CXCL13: variants seen among roughly 807,000 people sequenced by gnomAD.
The protein encoded by CXCL13 is C-X-C motif chemokine 13.
A neutral mutation model predicts 12.2 loss-of-function variants in CXCL13; 7 were observed. The observed-to-expected ratio is 0.57, with a 90% CI of 0.33 to 1.07. The LOEUF (loss-of-function observed/expected upper bound fraction) is 1.07, where lower values mean the gene tolerates loss of function less well. Ranked by LOEUF, CXCL13 falls within the 50% of genes least tolerant of loss-of-function variation. The pLI is 0.04. For synonymous variants in CXCL13, 47 were observed against 42.4 expected (o/e 1.11, Z -0.42); for missense variants, 113 against 127.4 (o/e 0.89, Z 0.55).
chr4:77,542,832 T>G (rs1725238702), intron 1 of CXCL13, among the ~76,000 whole-genome samples: 1 of 152,142 alleles, frequency 6.6e-6, no homozygotes, highest in African/African-American at 2.4e-5. Context: ...TTTCTTTCTT[T>G]GTTGTGCCTT....
At chr4:77,571,174 G>T (rs1726069451) in intron 1 of CXCL13, among the ~76,000 whole-genome samples, 1 of 151,974 alleles carries the variant, frequency 6.6e-6, no homozygotes, top group Non-Finnish European at 1.5e-5. Flanking sequence ...CTCAGGGATT[G>T]TAAACACACC....
chr4:77,518,931 T>A (rs1427653816), intron 1 of CXCL13, among the ~76,000 whole-genome samples: 1 of 152,170 alleles, frequency 6.6e-6, no homozygotes, highest in Non-Finnish European at 1.5e-5. Flanking sequence ...TTTTATCTAG[T>A]TTTGGACTTT....
intron 1 of CXCL13, among the ~76,000 whole-genome samples, chr4:77,540,793 T>C (rs972666607): frequency 6.6e-6 from 1 of 152,184 alleles, no homozygotes; most frequent in African/African-American, 2.4e-5. Flanking sequence ...GGTTGCTGGG[T>C]CAAACAGTAG....
chr4:77,545,145 T>C (rs1725322565), intron 1 of CXCL13, among the ~76,000 whole-genome samples: 1 of 152,212 alleles, frequency 6.6e-6, no homozygotes, highest in African/African-American at 2.4e-5. Flanking sequence ...TTTTGGTTAC[T>C]GTAGCCTTGT....
chr4:77,528,678 G>C (rs1454596834), intron 1 of CXCL13, among the ~76,000 whole-genome samples: 1 of 152,142 alleles, frequency 6.6e-6, no homozygotes, highest in East Asian at 1.9e-4. Context: ...CTGGATGTTA[G>C]CCCTTTGTCA....
chr4:77,581,666 A>G (rs910955730), intron 1 of CXCL13, among the ~76,000 whole-genome samples: 4 of 152,124 alleles, frequency 2.6e-5, no homozygotes, highest in African/African-American at 4.8e-5. Flanking sequence ...GGTGCCATGT[A>G]CCTTCTCTCT....
rs578095174 is a variant in CXCL13, at chr4:77,560,239, AATAGAG to A, written c.-42-45582_-42-45577del. 2.1e-4 allele frequency among the ~76,000 whole-genome samples: 32 copies of A among 152,284 alleles called. 1 individual carries two copies. The highest frequency in any genetic ancestry group is 4.3e-4 in the Non-Finnish European group (29 of 68,030). Reference sequence around the variant, plus strand: ...AACTTGAGTAAGCCTTTAGTAAGAAAATAGAGATTGAGGTTGAATTGTGTTTCCAAG... The same window carrying A: ...AACTTGAGTAAGCCTTTAGTAAGAAAATTGAGGTTGAATTGTGTTTCCAAG... On this transcript the variant is annotated intron_variant, in intron 1 of 4. Transcript: ENST00000286758.
chr4:77,537,095 T>C (rs1424319979), intron 1 of CXCL13, among the ~76,000 whole-genome samples: 1 of 152,196 alleles, frequency 6.6e-6, no homozygotes, highest in Admixed American at 6.5e-5. Context: ...AAAAGACATA[T>C]TCAAATTGTG....
intron 1 of CXCL13, among the ~76,000 whole-genome samples, chr4:77,530,933 C>G (rs1724898977): frequency 6.6e-6 from 1 of 151,814 alleles, no homozygotes; most frequent in Non-Finnish European, 1.5e-5. Context: ...TTTCCCTCTA[C>G]ACACTGCTTT....
Position 77,607,759 on chromosome 4 carries a change from G to C in CXCL13, c.121G>C (p.Val41Leu). Residue 41 changes from valine (V) to leucine (L), a missense_variant, in exon 2 of 4, where the codon GTC (valine) becomes CTC (leucine). Coordinates refer to ENST00000682537, the MANE Select transcript of CXCL13 (RefSeq NM_001371558.1). The stretch of plus-strand genomic sequence containing the variant: ...GTGTAGATGTGTCCAAGAGAGCTCA[G>C]TCTTTATCCCTAGACGCTTCATTGA... ...LRCRCVQESS[V>L]FIPRRFIDRI... 6.2e-7 allele frequency: 1 copy of C among 1,613,706 alleles called. No individual in the cohort carries two copies. Among genetic ancestry groups the C allele is most frequent in the Non-Finnish European group, 8.5e-7 (1 of 1,179,842 alleles).
At chr4:77,601,322 T>C (rs1247799295), upstream of CXCL13, among the ~76,000 whole-genome samples, 1 of 152,172 alleles carries the variant, frequency 6.6e-6, no homozygotes. Context: ...CTGTCCAAAC[T>C]CATCCAATTG....
At chr4:77,603,114 C>A (rs1249961093), upstream of CXCL13, among the ~76,000 whole-genome samples, 1 of 152,204 alleles carries the variant, frequency 6.6e-6, no homozygotes, top group Non-Finnish European at 1.5e-5. Flanking sequence ...AGCTCTCTTT[C>A]AGGTAACTTT....
At chr4:77,580,304 CTTTCTT>C (rs1726290412) in intron 1 of CXCL13, among the ~76,000 whole-genome samples, 3 of 8,008 alleles carry the variant, frequency 3.7e-4, no homozygotes, top group Admixed American at 1.3e-3. Context: ...GACAAGTTTT[CTTTCTT>C]TTTTTTTTTT....
chr4:77,562,081 C>T (rs542075351), intron 1 of CXCL13, among the ~76,000 whole-genome samples: 18 of 152,258 alleles, frequency 1.2e-4, no homozygotes, highest in South Asian at 4.1e-4. Flanking sequence ...CTCGAATTCT[C>T]GCGGGGCCTC....
At chr4:77,592,188 G>C (rs1472698582) in intron 1 of CXCL13, among the ~76,000 whole-genome samples, 2 of 152,212 alleles carry the variant, frequency 1.3e-5, no homozygotes, top group Admixed American at 6.5e-5. Context: ...AATAATCTAA[G>C]TGTACATCAG....
At chr4:77,604,717 T>TA (rs1357486347), upstream of CXCL13, among the ~76,000 whole-genome samples, 1 of 152,118 alleles carries the variant, frequency 6.6e-6, no homozygotes, top group Non-Finnish European at 1.5e-5. Context: ...TGTGTGGCAT[T>TA]ACCACTCCTC....
At chr4:77,519,068 G>C (rs777443000) in intron 1 of CXCL13, among the ~76,000 whole-genome samples, 1 of 152,200 alleles carries the variant, frequency 6.6e-6, no homozygotes, top group Non-Finnish European at 1.5e-5. Context: ...TCCAGATCCT[G>C]TTTGCCTGGG....
intron 1 of CXCL13, among the ~76,000 whole-genome samples, chr4:77,580,141 G>C (rs1726282738): frequency 6.6e-6 from 1 of 151,690 alleles, no homozygotes; most frequent in Non-Finnish European, 1.5e-5. Context: ...TTATTTAATG[G>C]GTACAATTAC....
At chr4:77,552,458 G>A (rs189498871) in intron 1 of CXCL13, among the ~76,000 whole-genome samples, 2 of 152,324 alleles carry the variant, frequency 1.3e-5, no homozygotes, top group Non-Finnish European at 1.5e-5. Context: ...GCCAGCTGTG[G>A]CCAGTACAGC....
Sources: gnomAD v4.1 joint callset for allele counts (sites outside exome capture counted in the v4.1 genomes callset) on GRCh38, gnomAD v4.1.1 for gene constraint, MANE v1.5 for transcripts, NCBI Gene and HGNC (gene_info 2026-07-23, HGNC 2026-07-21) for gene names.